Variants in ST7 observed in about 807,000 individuals in gnomAD.
ST7 encodes suppressor of tumorigenicity 7 protein.
Under a neutral mutation model 78.7 loss-of-function variants are expected in ST7, and 28 were observed. That is an observed-to-expected ratio of 0.36 (90% confidence interval 0.26 to 0.49). The LOEUF is 0.49. Ranked by LOEUF, ST7 falls within the 20% of genes least tolerant of loss-of-function variation. ST7 has a pLI of 0.99. For synonymous variants in ST7, 247 were observed against 249.6 expected (o/e 0.99, Z 0.10); for missense variants, 418 against 696.0 (o/e 0.60, Z 4.49).
At position 117,044,321 on chromosome 7, in the gene ST7, C is replaced by T. The variant is rs115353944; in HGVS notation, c.152-55441C>T. Among the ~76,000 whole-genome samples, 1,244 of 152,240 alleles carry T rather than the reference C, an allele frequency of 8.2e-3. 13 individuals are homozygous for T. Among genetic ancestry groups the T allele is most frequent in the African/African-American group, 0.024 (1,012 of 41,540 alleles). On this transcript the variant is annotated intron_variant, in intron 1 of 15. Transcript: ENST00000323984. ...ATAAAGTCAGCATCATTTGAAAGCT[C>T]GGCAGGTACTAGGTACCTTCTAGGT...
chr7:117,015,427 C>T (rs1016210659), intron 1 of ST7, among the ~76,000 whole-genome samples: 1 of 152,186 alleles, frequency 6.6e-6, no homozygotes, highest in African/African-American at 2.4e-5. Context: ...GTGTATTGCT[C>T]TTTTAGATGG....
chr7:117,154,230 G>A (rs547560652), intron 9 of ST7, among the ~76,000 whole-genome samples: 120 of 152,288 alleles, frequency 7.9e-4, no homozygotes, highest in African/African-American at 2.7e-3. Context: ...GAGAGGATCT[G>A]TTTGTGCCAT....
intron 9 of ST7, among the ~76,000 whole-genome samples, chr7:117,141,657 CTTTTTCTTTTCTT>C (rs1805308237): frequency 6.6e-6 from 1 of 151,644 alleles, no homozygotes; most frequent in African/African-American, 2.4e-5. Flanking sequence ...TTCTTTCTTT[CTTTTTCTTTTCTT>C]TTTTTCTTTT....
intron 12 of ST7, among the ~76,000 whole-genome samples, chr7:117,202,441 C>T (rs1810962737): frequency 6.6e-6 from 1 of 152,148 alleles, no homozygotes; most frequent in Non-Finnish European, 1.5e-5. Flanking sequence ...TGTTACCTTC[C>T]CCTGCTAAGC....
intron 1 of ST7, among the ~76,000 whole-genome samples, chr7:116,990,265 T>G (rs1032687449): frequency 6.6e-6 from 1 of 152,126 alleles, no homozygotes; most frequent in African/African-American, 2.4e-5. Flanking sequence ...CTCTGTAGAG[T>G]GAGTGAGTAA....
intron 1 of ST7, among the ~76,000 whole-genome samples, chr7:117,081,710 G>C: frequency 6.6e-6 from 1 of 152,170 alleles, no homozygotes; most frequent in East Asian, 1.9e-4. Flanking sequence ...ACAGTAATGA[G>C]TTTCATTTCT....
chr7:117,208,391 T>G (rs932015229), intron 12 of ST7, among the ~76,000 whole-genome samples: 1 of 152,150 alleles, frequency 6.6e-6, no homozygotes, highest in Non-Finnish European at 1.5e-5. Context: ...ACGACCGTTA[T>G]CAGTGTCCTC....
At chr7:117,103,242 A>G (rs1563083189) in intron 2 of ST7, among the ~76,000 whole-genome samples, 1 of 152,164 alleles carries the variant, frequency 6.6e-6, no homozygotes. Context: ...TTACAGAAAT[A>G]GAAAAAAAAA....
intron 1 of ST7, among the ~76,000 whole-genome samples, chr7:116,982,678 C>A (rs1170520108): frequency 6.6e-6 from 1 of 152,120 alleles, no homozygotes; most frequent in Non-Finnish European, 1.5e-5. Flanking sequence ...TCTAAGATGT[C>A]CCAGTCTCAT....
chr7:117,019,210 A>G (rs1795759848), intron 1 of ST7, among the ~76,000 whole-genome samples: 2 of 152,294 alleles, frequency 1.3e-5, no homozygotes, highest in African/African-American at 4.8e-5. Flanking sequence ...TGATTTTAAA[A>G]GTTACGTATA....
chr7:117,035,131 T>G (rs1187836257), intron 1 of ST7, among the ~76,000 whole-genome samples: 1 of 151,758 alleles, frequency 6.6e-6, no homozygotes. Context: ...TTTTTTTTTT[T>G]TTTTTTTTTT....
intron 10 of ST7, among the ~76,000 whole-genome samples, chr7:117,181,517 C>G (rs1808767896): frequency 6.6e-6 from 1 of 152,174 alleles, no homozygotes. Flanking sequence ...CTTGGCAGTC[C>G]TGTACTGTTG....
chr7:117,113,107 A>G (rs1210225715), intron 2 of ST7, among the ~76,000 whole-genome samples: 1 of 152,262 alleles, frequency 6.6e-6, no homozygotes, highest in East Asian at 1.9e-4. Context: ...GCATTTCAGC[A>G]CAAATTGAGA....
intron 2 of ST7, among the ~76,000 whole-genome samples, chr7:117,112,009 G>A (rs948009582): frequency 6.6e-6 from 1 of 151,928 alleles, no homozygotes; most frequent in Non-Finnish European, 1.5e-5. Flanking sequence ...ATTGGATATA[G>A]GGATCAATAC....
At position 117,148,549 on chromosome 7, in the gene ST7, A is replaced by G. The variant is rs184795707; in HGVS notation, c.963+10017A>G. On this transcript the variant is annotated intron_variant, in intron 9 of 15. Transcript: ENST00000323984. The stretch of plus-strand genomic sequence containing the variant: ...TTTTTGAGCGTGTGTGCTGTCTTTC[A>G]TGTTTTCTATGTCGTACTTTCTCTC... Among the ~76,000 whole-genome samples the G allele has an allele frequency of 2.0e-5, 3 of 152,266 alleles. No homozygotes were observed. The East Asian group carries it at 5.8e-4, about 29-fold the overall frequency.
At chr7:116,960,152 C>T (rs1211633175) in intron 1 of ST7, among the ~76,000 whole-genome samples, 1 of 152,004 alleles carries the variant, frequency 6.6e-6, no homozygotes, top group East Asian at 1.9e-4. Context: ...TTTTCTAGAT[C>T]ACCACCCTCC....
At chr7:116,999,734 C>G (rs1390093775) in intron 1 of ST7, among the ~76,000 whole-genome samples, 1 of 151,434 alleles carries the variant, frequency 6.6e-6, no homozygotes. Flanking sequence ...CTGATCCATT[C>G]TGTAGATACT....
At chr7:117,155,133 C>A (rs977030705) in intron 9 of ST7, among the ~76,000 whole-genome samples, 1 of 151,966 alleles carries the variant, frequency 6.6e-6, no homozygotes, top group Non-Finnish European at 1.5e-5. Flanking sequence ...TCAGGAAGGG[C>A]CTCTCTAAGA....
intron 1 of ST7, among the ~76,000 whole-genome samples, chr7:116,957,318 C>T (rs1396493565): frequency 5.3e-5 from 8 of 151,520 alleles, no homozygotes; most frequent in African/African-American, 1.9e-4. Flanking sequence ...GGGGAGAAAA[C>T]GAACATAATA....
Sources: allele counts gnomAD v4.1 joint callset (sites outside exome capture counted in the v4.1 genomes callset), GRCh38; gene constraint gnomAD v4.1.1; transcripts MANE v1.5; gene names NCBI Gene and HGNC (gene_info 2026-07-23, HGNC 2026-07-21).